Variants in TNKS2 observed in about 807,000 individuals in gnomAD.
TNKS2 encodes poly [ADP-ribose] polymerase tankyrase-2.
Under a neutral mutation model 137.6 loss-of-function variants are expected in TNKS2, and 72 were observed. The observed-to-expected ratio is 0.52, with a 90% confidence interval of 0.43 to 0.64. TNKS2 has a LOEUF of 0.64. Ranked by LOEUF, TNKS2 falls within the 30% of genes least tolerant of loss-of-function variation. The pLI is 0.00. For synonymous variants in TNKS2, 516 were observed against 512.1 expected, an observed-to-expected ratio of 1.01 and a Z score of -0.10; for missense variants, 1,049 against 1,410.2, an observed-to-expected ratio of 0.74 and a Z score of 4.10.
Position 91,849,594 on chromosome 10 carries a change from G to A in TNKS2, c.2694G>A (p.Gln898=), listed in dbSNP as rs1412616675. 2 of 1,599,366 alleles carry A rather than the reference G, an allele frequency of 1.3e-6. No individual in the cohort carries two copies. Among genetic ancestry groups the A allele is most frequent in the Non-Finnish European group, 1.7e-6 (2 of 1,174,018 alleles). The change falls in exon 20 of 27, where the codon CAG becomes CAA. Residue 898 remains glutamine, a splice_region_variant and synonymous_variant. Coordinates refer to ENST00000371627, the MANE Select transcript of TNKS2 (RefSeq NM_025235.4). Reference sequence around the variant, plus strand: ...TAATGGATATATTTGAGAGAGAACAGGTGAGTAGATAAATCATATTGTTTG... The same window carrying A: ...TAATGGATATATTTGAGAGAGAACAAGTGAGTAGATAAATCATATTGTTTG... ...EHLMDIFERE[Q]ITLDVLVEMG...
Position 91,859,487 on chromosome 10 carries a change from C to A in TNKS2, c.3120C>A (p.Ile1040=). ...FHGSPFVNAI[I]HKGFDERHAY... is the part of the protein sequence containing the mutation. ...GGTCTCCTTTTGTGAATGCAATTATCCACAAAGGCTTTGATGAAAGGCATG... is the reference window on the plus strand; with the variant it reads ...GGTCTCCTTTTGTGAATGCAATTATACACAAAGGCTTTGATGAAAGGCATG... The change falls in exon 25 of 27, where the codon ATC becomes ATA. Residue 1040 remains isoleucine, a synonymous_variant. Coordinates refer to ENST00000371627, the MANE Select transcript of TNKS2 (RefSeq NM_025235.4). The A allele has an allele frequency of 6.2e-7, 1 of 1,608,940 alleles. No individual in the cohort carries two copies. Among genetic ancestry groups the A allele is most frequent in the Non-Finnish European group, 8.5e-7 (1 of 1,177,826 alleles).
chr10:91,804,768 G>T (rs1438920414), intron 1 of TNKS2, among the ~76,000 whole-genome samples: 2 of 152,108 alleles, frequency 1.3e-5, no homozygotes, highest in African/African-American at 4.8e-5. Context: ...GGGGTTGTGG[G>T]GGTGAGGCAC....
Position 91,840,774 on chromosome 10 carries a change from AAT to A in TNKS2, c.1673+72_1673+73del. 6 of 1,434,198 alleles carry A rather than the reference AAT, an allele frequency of 4.2e-6. No homozygotes were observed. In the South Asian group the frequency reaches 8.5e-5, roughly 20 times the overall value. 88.8% of individuals were successfully genotyped at this position (1,434,198 alleles called of 1,614,324 possible). A position where few individuals can be genotyped will look rare whatever the true frequency, so the allele number is the denominator to read the frequency against. ...CTTGACCTTTTTAGGAAAACCTGGAAATATAATATGTTTTATTTTTCAAGAAA... is the reference window on the plus strand; with the variant it reads ...CTTGACCTTTTTAGGAAAACCTGGAAATAATATGTTTTATTTTTCAAGAAA... On this transcript the variant is annotated intron_variant, in intron 14 of 26. Coordinates refer to ENST00000371627, the MANE Select transcript of TNKS2 (RefSeq NM_025235.4).
chr10:91,826,358 T>C (rs1845071077), intron 7 of TNKS2, among the ~76,000 whole-genome samples: 2 of 152,118 alleles, frequency 1.3e-5, no homozygotes, highest in Admixed American at 6.6e-5. Flanking sequence ...CTAGAAACAG[T>C]CCAAATCTGC....
chr10:91,813,236 CTAATGTTG>C, intron 2 of TNKS2, 29 bp downstream of exon 2: 1 of 1,569,632 alleles, frequency 6.4e-7, no homozygotes, highest in Non-Finnish European at 8.8e-7. Flanking sequence ...CCGACTTTTA[CTAATGTTG>C]TAACTATTCT....
At position 91,848,608 on chromosome 10, in the gene TNKS2, G is replaced by T. The variant is rs1250224983; in HGVS notation, c.2584G>T (p.Gly862Cys). 2 of 1,613,940 alleles carry T rather than the reference G, an allele frequency of 1.2e-6. No homozygotes were observed. Among genetic ancestry groups the T allele is most frequent in the Non-Finnish European group, 1.7e-6 (2 of 1,180,002 alleles). ...AGTAGTTAGTTCAAGTGGAACAGAGGGTGCTTCCAGTTTGGAGAAAAAGGA... is the reference window on the plus strand; with the variant it reads ...AGTAGTTAGTTCAAGTGGAACAGAGTGTGCTTCCAGTTTGGAGAAAAAGGA... ...SSVVSSSGTE[G>C]ASSLEKKEVP... The change falls in exon 19 of 27, where the codon GGT becomes TGT. Residue 862 changes from glycine (G) to cysteine (C), a missense_variant. Around this residue, in one of 6 missense-constraint regions of TNKS2, gnomAD observed 208 missense variants for 231.2 expected, o/e 0.90. Coordinates refer to ENST00000371627, the MANE Select transcript of TNKS2 (RefSeq NM_025235.4).
intron 7 of TNKS2, among the ~76,000 whole-genome samples, chr10:91,826,501 G>A (rs1364359683): frequency 5.3e-5 from 8 of 152,174 alleles, no homozygotes; most frequent in Admixed American, 4.6e-4. Flanking sequence ...GAATCTAGAC[G>A]AAGTACATAC....
At chr10:91,834,065 C>A in intron 12 of TNKS2, 41 bp downstream of exon 12, 1 of 1,462,788 alleles carries the variant, frequency 6.8e-7, no homozygotes, top group Non-Finnish European at 9.1e-7. Context: ...TTAAATTAAC[C>A]TTTAAAAATT....
intron 19 of TNKS2, among the ~76,000 whole-genome samples, chr10:91,849,012 G>A (rs1564626676): frequency 2.0e-5 from 3 of 152,068 alleles, no homozygotes; most frequent in African/African-American, 7.2e-5. Context: ...AATTTTTGTA[G>A]TTTTAGTAGA....
chr10:91,844,798 A>G, intron 16 of TNKS2, 121 bp from the exon 17 acceptor site: 1 of 567,648 alleles, frequency 1.8e-6, no homozygotes. Context: ...TCTATGCCTT[A>G]TAAATACATA....
chr10:91,836,092 G>A (rs1222742185), intron 12 of TNKS2, among the ~76,000 whole-genome samples: 13 of 142,484 alleles, frequency 9.1e-5, no homozygotes, highest in African/African-American at 3.0e-4. Context: ...GCCCAGGCTA[G>A]GGTGCAATGG....
chr10:91,849,373 T>C (rs1842475586), intron 19 of TNKS2, 139 bp from the exon 20 acceptor site: 8 of 520,154 alleles, frequency 1.5e-5, no homozygotes. Flanking sequence ...AGCTTTCTCT[T>C]GTTCAGTATT....
At chr10:91,851,386 G>A in intron 21 of TNKS2, 50 bp downstream of exon 21, 2 of 1,584,428 alleles carry the variant, frequency 1.3e-6, no homozygotes, top group East Asian at 2.3e-5. Flanking sequence ...TTGCATAAAG[G>A]CAACCCTCAG....
rs2258946 is a variant in TNKS2 at position 91,864,915 on chromosome 10, G to A, written c.*1916G>A. On this transcript the variant is annotated 3_prime_UTR_variant, in exon 27 of 27. Transcript: ENST00000371627. The stretch of plus-strand genomic sequence containing the variant: ...GAATTGCTTTTCATGTGAAATCATT[G>A]TGGTCTATGAGTTTACAATACTGCA... The A allele has an allele frequency of 0.14, 21,274 of 152,518 alleles. 1,582 individuals are homozygous for A. Among genetic ancestry groups the A allele is most frequent in the Middle Eastern group, 0.19 (57 of 294 alleles). 9.4% of individuals were successfully genotyped at this position (152,518 alleles called of 1,614,324 possible).
intron 1 of TNKS2, among the ~76,000 whole-genome samples, chr10:91,808,402 G>A (rs796863711): frequency 1.3e-5 from 2 of 151,932 alleles, no homozygotes; most frequent in South Asian, 2.1e-4. Context: ...GAAGTTGAGG[G>A]CCAGTTCATG....
At position 91,848,417 on chromosome 10, in the gene TNKS2, T is replaced by C. The variant is rs773504167; in HGVS notation, c.2393T>C (p.Met798Thr). The C allele has an allele frequency of 6.2e-7, 1 of 1,614,234 alleles. No homozygotes were observed. The highest frequency in any genetic ancestry group is 8.5e-7 in the Non-Finnish European group (1 of 1,180,034). ...DDVSALLTAA[M>T]PPSALPSCYK... ...GTCAGCGCTCTTCTGACAGCAGCCA[T>C]GCCCCCATCTGCTCTGCCCTCTTGT... Residue 798 changes from methionine to threonine, a missense_variant, in exon 19 of 27, where the codon ATG (methionine) becomes ACG (threonine). Coordinates refer to ENST00000371627, the MANE Select transcript of TNKS2 (RefSeq NM_025235.4).
At chr10:91,805,425 G>A (rs74151736) in intron 1 of TNKS2, among the ~76,000 whole-genome samples, 10 of 152,038 alleles carry the variant, frequency 6.6e-5, no homozygotes, top group African/African-American at 1.9e-4. Context: ...TACCCATATC[G>A]ATCGCCTCAG....
At position 91,798,885 on chromosome 10, in the gene TNKS2, C is replaced by A. The variant is rs1271027045; in HGVS notation, c.195C>A (p.Ala65=). ...AGRKSTPLHF[A]AGFGRKDVVE... ...GGAAATCCACCCCGCTGCACTTCGC[C>A]GCAGGTAACCGGGGCCAGCGTCCCC... Residue 65 remains alanine (A), a synonymous_variant, in exon 1 of 27, where the codon GCC becomes GCA. Coordinates refer to ENST00000371627, the MANE Select transcript of TNKS2 (RefSeq NM_025235.4). The A allele has an allele frequency of 7.3e-7, 1 of 1,374,840 alleles. No individual in the cohort carries two copies. Among genetic ancestry groups the A allele is most frequent in the Admixed American group, 3.3e-5 (1 of 30,416 alleles). The allele number at this position is 1,374,840 out of a possible 1,614,324, so 85.2% of individuals were successfully genotyped here.
At chr10:91,841,175 A>G (rs906145101) in intron 14 of TNKS2, 108 bp from the exon 15 acceptor site, 23 of 981,124 alleles carry the variant, frequency 2.3e-5, no homozygotes, top group Non-Finnish European at 2.8e-5. Flanking sequence ...AAGTATAATC[A>G]GTATAATTCC....
Sources: allele counts gnomAD v4.1 joint callset (sites outside exome capture counted in the v4.1 genomes callset), GRCh38; gene constraint gnomAD v4.1.1; regional missense constraint gnomAD v4.1.1; transcripts MANE v1.5; gene names NCBI Gene and HGNC (gene_info 2026-07-23, HGNC 2026-07-21).